MEGF11: variants seen among roughly 807,000 people sequenced by gnomAD.
MEGF11 encodes the protein multiple epidermal growth factor-like domains protein 11.
A neutral mutation model predicts 146.6 loss-of-function variants in MEGF11; 126 were observed. The ratio of observed to expected loss-of-function variants is 0.86; its 90% CI spans 0.74 to 1.00. The LOEUF is 1.00. Ranked by LOEUF, MEGF11 falls within the 50% of genes least tolerant of loss-of-function variation. MEGF11 has a pLI of 0.00. For synonymous variants in MEGF11, 532 were observed against 583.4 expected (o/e 0.91, Z 1.27); for missense variants, 1,509 against 1,521.2 (o/e 0.99, Z 0.13).
chr15:65,968,766 A>G (rs555178457), intron 8 of MEGF11, among the ~76,000 whole-genome samples: 3 of 152,288 alleles, frequency 2.0e-5, no homozygotes, highest in South Asian at 4.2e-4. Context: ...GCCATTAACA[A>G]CCAGATACAT....
intron 4 of MEGF11, among the ~76,000 whole-genome samples, chr15:66,095,995 C>T (rs1160687821): frequency 1.3e-5 from 2 of 152,184 alleles, no homozygotes; most frequent in African/African-American, 2.4e-5. Context: ...TCCTGCTGCC[C>T]GGGCTCCCCC....
chr15:66,201,251 T>C (rs1482598828), intron 1 of MEGF11, among the ~76,000 whole-genome samples: 1 of 152,118 alleles, frequency 6.6e-6, no homozygotes, highest in African/African-American at 2.4e-5. Context: ...CTGTTCTTCC[T>C]CCAGGCCTCA....
chr15:66,080,183 C>T lies in MEGF11; in HGVS notation c.394+14219G>A, dbSNP rs140024280. 4.6e-3 allele frequency among the ~76,000 whole-genome samples: 708 copies of T among 152,322 alleles called. 1 individual carries two copies. Among genetic ancestry groups the T allele is most frequent in the Middle Eastern group, 6.8e-3 (2 of 294 alleles). ...GACTCAGGGGCTGGGCAGTCTCTTA[C>T]CTGTCTCATGGTCTCTTTCAGGCTT... On this transcript the variant is annotated intron_variant, in intron 5 of 25. Coordinates refer to ENST00000395614, the MANE Select transcript of MEGF11 (RefSeq NM_001385028.1).
chr15:66,251,136 C>G (rs2092364543), intron 1 of MEGF11, among the ~76,000 whole-genome samples: 1 of 152,188 alleles, frequency 6.6e-6, no homozygotes, highest in African/African-American at 2.4e-5. Flanking sequence ...ACTGGCTCTT[C>G]TAGCTTCCCT....
chr15:65,961,984 G>GAGAGGAGAAGAAGGACGTATATCTTAT (rs1188130204), intron 9 of MEGF11, among the ~76,000 whole-genome samples: 8 of 152,218 alleles, frequency 5.3e-5, no homozygotes, highest in African/African-American at 1.9e-4. Flanking sequence ...CGTATGCATA[G>GAGAGGAGAAGAAGGACGTATATCTTAT]AGAGGAGAAG....
intron 1 of MEGF11, among the ~76,000 whole-genome samples, chr15:66,232,244 C>A (rs2091982136): frequency 1.3e-5 from 2 of 152,198 alleles, no homozygotes; most frequent in South Asian, 4.1e-4. Flanking sequence ...GCTGTAGAGA[C>A]CTTCTCTGGC....
intron 5 of MEGF11, among the ~76,000 whole-genome samples, chr15:66,031,471 C>G (rs1295209300): frequency 6.6e-6 from 1 of 152,220 alleles, no homozygotes; most frequent in Non-Finnish European, 1.5e-5. Context: ...GGCTGGGGTT[C>G]TACCTCAATC....
chr15:65,927,928 C>T (rs1242921943), intron 13 of MEGF11, among the ~76,000 whole-genome samples: 1 of 152,204 alleles, frequency 6.6e-6, no homozygotes, highest in Non-Finnish European at 1.5e-5. Flanking sequence ...GAAAAGTTGA[C>T]TCTGGCCACC....
At chr15:66,149,183 C>T (rs186700427) in intron 1 of MEGF11, among the ~76,000 whole-genome samples, 8 of 152,338 alleles carry the variant, frequency 5.3e-5, no homozygotes. Flanking sequence ...CCCTGGAGAT[C>T]TAGTGACAGG....
At chr15:65,983,041 C>T (rs1001692087) in intron 5 of MEGF11, among the ~76,000 whole-genome samples, 3 of 152,168 alleles carry the variant, frequency 2.0e-5, no homozygotes, top group Admixed American at 2.0e-4. Flanking sequence ...GCATTTCACT[C>T]ACTCTCTGGG....
intron 5 of MEGF11, among the ~76,000 whole-genome samples, chr15:66,009,596 T>TTC (rs147698593): frequency 0.66 from 87,968 of 133,922 alleles, 26,935 homozygotes; most frequent in Non-Finnish European, 0.73. Flanking sequence ...ACATATGGTT[T>TTC]TTTTTTTTTT....
At chr15:65,899,976 A>G (rs1269482667) in intron 24 of MEGF11, among the ~76,000 whole-genome samples, 1 of 152,182 alleles carries the variant, frequency 6.6e-6, no homozygotes, top group Non-Finnish European at 1.5e-5. Flanking sequence ...ACGGAAGGAA[A>G]GGGGATTCCC....
chr15:66,025,821 G>C (rs1048468030), intron 5 of MEGF11, among the ~76,000 whole-genome samples: 1 of 152,090 alleles, frequency 6.6e-6, no homozygotes, highest in African/African-American at 2.4e-5. Context: ...CCAAGCTCTG[G>C]GGTCCAGCAT....
intron 7 of MEGF11, 63 bp from the exon 8 acceptor site, chr15:65,970,752 TG>T: frequency 1.3e-6 from 2 of 1,536,028 alleles, no homozygotes; most frequent in Non-Finnish European, 1.8e-6. Flanking sequence ...TTCCTGGGAA[TG>T]GCACACCTGC....
intron 3 of MEGF11, among the ~76,000 whole-genome samples, chr15:66,122,950 A>AT (rs1280701021): frequency 1.3e-5 from 2 of 151,772 alleles, no homozygotes; most frequent in Non-Finnish European, 2.9e-5. Context: ...CGCCCGGCTA[A>AT]TTTTTTGTAT....
intron 5 of MEGF11, among the ~76,000 whole-genome samples, chr15:65,990,781 T>C (rs2082022788): frequency 1.3e-5 from 2 of 152,050 alleles, no homozygotes; most frequent in African/African-American, 4.8e-5. Context: ...TGCTGGAGAC[T>C]CTTCAAGTCC....
intron 2 of MEGF11, 107 bp downstream of exon 2, chr15:66,128,199 G>A: frequency 1.6e-6 from 1 of 618,880 alleles, no homozygotes; most frequent in African/African-American, 1.9e-5. Context: ...CCAGGCTGCA[G>A]ACCCTTAGAG....
intron 10 of MEGF11, among the ~76,000 whole-genome samples, chr15:65,932,803 G>A (rs2079625797): frequency 1.3e-5 from 2 of 152,004 alleles, no homozygotes; most frequent in South Asian, 2.1e-4. Context: ...CAGCCCCTAG[G>A]GAGTGTCTCC....
chr15:66,169,867 T>G (rs908898450), intron 1 of MEGF11, among the ~76,000 whole-genome samples: 1 of 152,200 alleles, frequency 6.6e-6, no homozygotes, highest in Non-Finnish European at 1.5e-5. Flanking sequence ...ACACACAGTT[T>G]GTACAACTGG....
Sources: allele counts gnomAD v4.1 joint callset (sites outside exome capture counted in the v4.1 genomes callset), GRCh38; gene constraint gnomAD v4.1.1; transcripts MANE v1.5; gene names NCBI Gene and HGNC (gene_info 2026-07-23, HGNC 2026-07-21).